The following DYM variants were observed in gnomAD, a reference collection of about 807,000 sequenced individuals.
DYM encodes the protein dymeclin.
In DYM, 78 loss-of-function variants were observed where a neutral mutation model predicts 93.1. That is an observed-to-expected ratio of 0.84 (90% CI 0.70 to 1.01). The LOEUF is 1.01. Ranked by LOEUF, DYM falls within the 50% of genes least tolerant of loss-of-function variation. DYM has a pLI of 0.00. For synonymous variants in DYM, 321 were observed against 319.7 expected, an observed-to-expected ratio of 1.00 and a Z score of -0.04; for missense variants, 789 against 845.0, an observed-to-expected ratio of 0.93 and a Z score of 0.82.
chr18:49,154,125 C>T (rs2086122456), intron 15 of DYM, among the ~76,000 whole-genome samples: 1 of 151,998 alleles, frequency 6.6e-6, no homozygotes, highest in Admixed American at 6.6e-5. Flanking sequence ...GGGGGATATT[C>T]CACAAAATAA....
chr18:49,054,050 A>G lies in DYM; in HGVS notation c.2026-9846T>C, dbSNP rs143517461. 3.9e-5 allele frequency among the ~76,000 whole-genome samples: 6 copies of G among 152,290 alleles called. No individual in the cohort carries two copies. In the East Asian group the frequency reaches 1.2e-3, roughly 29 times the overall value. On this transcript the variant is annotated intron_variant, in intron 17 of 17. Transcript: ENST00000675505. ...TTGGACAGCAAACTCTGGGAGAAAT[A>G]ATGAATCATCAGTTCAGCTAAATTG... is the stretch of plus-strand genomic sequence containing the variant.
chr18:49,409,751 C>T (rs2148174857), intron 2 of DYM, among the ~76,000 whole-genome samples: 1 of 152,214 alleles, frequency 6.6e-6, no homozygotes, highest in Non-Finnish European at 1.5e-5. Context: ...AACTAAATAC[C>T]TAGTCCTGAT....
chr18:49,209,803 C>A, intron 13 of DYM, 88 bp from the exon 14 acceptor site: 2 of 872,156 alleles, frequency 2.3e-6, no homozygotes, highest in Non-Finnish European at 2.9e-6. Flanking sequence ...TCAAAGCTTT[C>A]TGTGTATCTT....
At chr18:49,261,807 T>C (rs2094494936) in intron 11 of DYM, among the ~76,000 whole-genome samples, 1 of 152,200 alleles carries the variant, frequency 6.6e-6, no homozygotes, top group Non-Finnish European at 1.5e-5. Flanking sequence ...TTTTAATATA[T>C]ATATCTCACT....
intron 16 of DYM, among the ~76,000 whole-genome samples, chr18:49,117,278 C>T (rs993643106): frequency 2.6e-5 from 4 of 152,090 alleles, no homozygotes; most frequent in Admixed American, 6.6e-5. Context: ...AGCAGCTTAA[C>T]GAAAGCCAAT....
chr18:49,110,450 T>G (rs2081287116), intron 16 of DYM, among the ~76,000 whole-genome samples: 1 of 152,210 alleles, frequency 6.6e-6, no homozygotes, highest in East Asian at 1.9e-4. Context: ...GTCATTATTT[T>G]GTATTCAGTT....
chr18:49,157,937 T>C (rs1288008911), intron 15 of DYM, among the ~76,000 whole-genome samples: 1 of 152,182 alleles, frequency 6.6e-6, no homozygotes, highest in Admixed American at 6.5e-5. Context: ...TTCTTGTGTA[T>C]AGAATGAGTG....
At position 49,204,605 on chromosome 18, in the gene DYM, G is replaced by A. The variant is rs543272664; in HGVS notation, c.1625+4946C>T. ...TGGACGTGGAACTCTAAGCAGTATT[G>A]GTCTGTTACCTAAAGTCAGATTCTT... is the stretch of plus-strand genomic sequence containing the variant. On this transcript the variant is annotated intron_variant, in intron 14 of 17. Transcript: ENST00000675505. 9.9e-5 allele frequency among the ~76,000 whole-genome samples: 15 copies of A among 152,238 alleles called. No homozygotes were observed. In the South Asian group the frequency reaches 2.3e-3, roughly 23 times the overall value.
chr18:49,093,883 T>C (rs2079311131), intron 17 of DYM, among the ~76,000 whole-genome samples: 1 of 152,246 alleles, frequency 6.6e-6, no homozygotes, highest in South Asian at 2.1e-4. Flanking sequence ...TTTTATATTT[T>C]TCTTTATGCA....
chr18:49,332,770 G>T (rs1263604966), intron 7 of DYM, among the ~76,000 whole-genome samples: 1 of 152,082 alleles, frequency 6.6e-6, no homozygotes, highest in Non-Finnish European at 1.5e-5. Flanking sequence ...TAGAAAATAA[G>T]AACACTAACA....
At chr18:49,372,909 C>A (rs970311165) in intron 5 of DYM, among the ~76,000 whole-genome samples, 4 of 151,920 alleles carry the variant, frequency 2.6e-5, no homozygotes, top group African/African-American at 9.7e-5. Context: ...AGTGAGATAA[C>A]CATCTTGATA....
intron 2 of DYM, among the ~76,000 whole-genome samples, chr18:49,424,732 A>T (rs555374658): frequency 6.6e-6 from 1 of 152,332 alleles, no homozygotes; most frequent in Non-Finnish European, 1.5e-5. Flanking sequence ...AATCACAAGC[A>T]TTCTTATACA....
chr18:49,294,739 T>A (rs1282551912), intron 8 of DYM, among the ~76,000 whole-genome samples: 2 of 152,128 alleles, frequency 1.3e-5, no homozygotes, highest in African/African-American at 4.8e-5. Flanking sequence ...ATAAATGATT[T>A]CTTACATCTA....
At chr18:49,151,309 G>C (rs2085791073) in intron 15 of DYM, among the ~76,000 whole-genome samples, 1 of 152,102 alleles carries the variant, frequency 6.6e-6, no homozygotes, top group East Asian at 1.9e-4. Flanking sequence ...AGAAATCCGT[G>C]AAATTTCCAG....
intron 8 of DYM, among the ~76,000 whole-genome samples, chr18:49,316,161 A>C (rs552836127): frequency 6.6e-6 from 1 of 152,224 alleles, no homozygotes; most frequent in Admixed American, 6.5e-5. Flanking sequence ...GCATGCCTGT[A>C]ATCCCAGCTA....
At chr18:49,226,657 G>A (rs1185988061) in intron 13 of DYM, among the ~76,000 whole-genome samples, 3 of 152,094 alleles carry the variant, frequency 2.0e-5, no homozygotes, top group African/African-American at 7.2e-5. Context: ...GATTTCATAA[G>A]AACAAAATTT....
chr18:49,367,108 G>A lies in DYM; in HGVS notation c.422-3875C>T, dbSNP rs113704684. Among the ~76,000 whole-genome samples the A allele has an allele frequency of 2.1e-3, 314 of 152,286 alleles. 5 individuals are homozygous for A. The highest frequency in any genetic ancestry group is 0.018 in the Admixed American group (275 of 15,306). ...GGGCCCGGTTAGGAGGGAGACATCTGAAGTACTACATATTAGTTTATACAT... is the reference window on the plus strand; with the variant it reads ...GGGCCCGGTTAGGAGGGAGACATCTAAAGTACTACATATTAGTTTATACAT... On this transcript the variant is annotated intron_variant, in intron 5 of 17. Coordinates refer to ENST00000675505, the MANE Select transcript of DYM (RefSeq NM_001353214.3).
chr18:49,090,632 A>G (rs1164658565), intron 17 of DYM, among the ~76,000 whole-genome samples: 1 of 152,210 alleles, frequency 6.6e-6, no homozygotes, highest in East Asian at 1.9e-4. Flanking sequence ...GAGAGAATGA[A>G]CCAGAAAAAG....
intron 1 of DYM, among the ~76,000 whole-genome samples, chr18:49,445,945 T>A (rs2082056887): frequency 6.6e-6 from 1 of 152,106 alleles, no homozygotes; most frequent in Non-Finnish European, 1.5e-5. Context: ...AAACACTATA[T>A]TAACCAAGAA....
Sources: gnomAD v4.1 joint callset for allele counts (sites outside exome capture counted in the v4.1 genomes callset) on GRCh38, gnomAD v4.1.1 for gene constraint, MANE v1.5 for transcripts, NCBI Gene and HGNC (gene_info 2026-07-23, HGNC 2026-07-21) for gene names.